Variants in CSMD1 observed in about 807,000 individuals in gnomAD.
The protein encoded by CSMD1 is CUB and Sushi multiple domains 1.
CSMD1 carries 213 observed loss-of-function variants against 417.5 expected under a neutral mutation model. The observed-to-expected ratio is 0.51, with a 90% CI of 0.46 to 0.57. The LOEUF (loss-of-function observed/expected upper bound fraction) is 0.57. Ranked by LOEUF, CSMD1 falls within the 20% of genes least tolerant of loss-of-function variation. CSMD1 has a pLI of 0.00. For synonymous variants in CSMD1, 2,862 were observed against 1,736.8 expected (o/e 1.65, Z -16.11); for missense variants, 6,923 against 4,529.7 (o/e 1.53, Z -15.17).
intron 51 of CSMD1, among the ~76,000 whole-genome samples, chr8:3,022,876 G>C (rs867253335): frequency 1.3e-5 from 2 of 152,146 alleles, no homozygotes; most frequent in Non-Finnish European, 2.9e-5. Flanking sequence ...TAGAGAGATA[G>C]AGCTACCATC....
intron 5 of CSMD1, among the ~76,000 whole-genome samples, chr8:3,780,243 G>T (rs1584986662): frequency 6.6e-6 from 1 of 152,296 alleles, no homozygotes; most frequent in East Asian, 1.9e-4. Context: ...AATCAGCATT[G>T]TCTGGTTCTT....
At chr8:3,819,179 C>T (rs1801571460) in intron 5 of CSMD1, among the ~76,000 whole-genome samples, 1 of 152,130 alleles carries the variant, frequency 6.6e-6, no homozygotes, top group Non-Finnish European at 1.5e-5. Flanking sequence ...AGTCTGCCCA[C>T]AGTGAAACTC....
At chr8:3,315,582 T>G (rs1420558000) in intron 23 of CSMD1, among the ~76,000 whole-genome samples, 1 of 152,128 alleles carries the variant, frequency 6.6e-6, no homozygotes, top group South Asian at 2.1e-4. Context: ...TTCCCATATA[T>G]TAAGTTTTTG....
At chr8:4,581,298 C>T (rs73186908) in intron 2 of CSMD1, among the ~76,000 whole-genome samples, 6,447 of 152,218 alleles carry the variant, frequency 0.042, 197 homozygotes, top group Non-Finnish European at 0.06. Flanking sequence ...AAGACACATG[C>T]AGAGGAAGTA....
chr8:3,060,397 C>T (rs1016353229), intron 49 of CSMD1, among the ~76,000 whole-genome samples: 2 of 151,370 alleles, frequency 1.3e-5, no homozygotes, highest in Non-Finnish European at 2.9e-5. Flanking sequence ...TCCTTGAACT[C>T]CTGAACTCCT....
At chr8:3,066,599 CAGACA>C (rs1812951475) in intron 49 of CSMD1, among the ~76,000 whole-genome samples, 1 of 152,180 alleles carries the variant, frequency 6.6e-6, no homozygotes, top group African/African-American at 2.4e-5. Flanking sequence ...CAAATACAGA[CAGACA>C]AGAGAGTAAT....
At chr8:4,593,151 G>C (rs886226120) in intron 2 of CSMD1, among the ~76,000 whole-genome samples, 1 of 152,162 alleles carries the variant, frequency 6.6e-6, no homozygotes, top group Non-Finnish European at 1.5e-5. Context: ...TGAGGTCTCA[G>C]CATTGAGAGG....
intron 7 of CSMD1, among the ~76,000 whole-genome samples, chr8:3,688,233 G>C (rs534798512): frequency 2.0e-4 from 31 of 152,322 alleles, no homozygotes; most frequent in Admixed American, 7.8e-4. Context: ...AAAGATGATA[G>C]TATAATTTTA....
chr8:4,167,875 C>T (rs776238147), intron 3 of CSMD1, among the ~76,000 whole-genome samples: 2 of 152,094 alleles, frequency 1.3e-5, no homozygotes, highest in Non-Finnish European at 2.9e-5. Flanking sequence ...GGCCTGTAAT[C>T]TCAGCACTTT....
intron 4 of CSMD1, among the ~76,000 whole-genome samples, chr8:4,009,309 T>C (rs528420413): frequency 5.2e-4 from 79 of 152,364 alleles, no homozygotes; most frequent in African/African-American, 1.7e-3. Flanking sequence ...TGTGCCCCTT[T>C]TGTGGGTATA....
chr8:3,273,920 T>C (rs1257960728), intron 26 of CSMD1, among the ~76,000 whole-genome samples: 3 of 152,178 alleles, frequency 2.0e-5, no homozygotes, highest in East Asian at 3.9e-4. Flanking sequence ...TTTGTGTCTC[T>C]ATTTCCTTCA....
intron 2 of CSMD1, among the ~76,000 whole-genome samples, chr8:4,584,905 C>A (rs1232362919): frequency 6.6e-6 from 1 of 152,058 alleles, no homozygotes; most frequent in Non-Finnish European, 1.5e-5. Flanking sequence ...GATTAAGCAG[C>A]TCAAATTTAG....
chr8:3,533,435 TATGAGTTTAACTCCTTTAGATTCCTC>T (rs1238357385), intron 10 of CSMD1, among the ~76,000 whole-genome samples: 2 of 152,200 alleles, frequency 1.3e-5, no homozygotes, highest in Admixed American at 6.5e-5. Flanking sequence ...TGTCAGCGTC[TATGAGTTTAACTCCTTTAGATTCCTC>T]ATGTAAGTGG....
At chr8:3,137,023 A>T (rs76528589) in intron 41 of CSMD1, among the ~76,000 whole-genome samples, 5,004 of 152,230 alleles carry the variant, frequency 0.033, 290 homozygotes, top group African/African-American at 0.11. Flanking sequence ...GTTTCAATAC[A>T]TATAATCTAA....
chr8:3,434,713 G>T (rs1238989636), intron 12 of CSMD1, among the ~76,000 whole-genome samples: 1 of 152,026 alleles, frequency 6.6e-6, no homozygotes, highest in Admixed American at 6.5e-5. Flanking sequence ...TCATTTTGCT[G>T]CTGAATAAAA....
intron 1 of CSMD1, among the ~76,000 whole-genome samples, chr8:4,741,209 G>C (rs538181563): frequency 9.8e-4 from 149 of 152,108 alleles, no homozygotes; most frequent in Non-Finnish European, 1.7e-3. Context: ...GAAGACCCTA[G>C]TGCCACACGT....
intron 3 of CSMD1, among the ~76,000 whole-genome samples, chr8:4,304,989 G>T (rs951110778): frequency 6.6e-6 from 1 of 152,142 alleles, no homozygotes; most frequent in Non-Finnish European, 1.5e-5. Flanking sequence ...TAATGCCAAT[G>T]CCTGTTCTTA....
chr8:4,011,650 A>C (rs1023790030), intron 4 of CSMD1, among the ~76,000 whole-genome samples: 2 of 152,188 alleles, frequency 1.3e-5, no homozygotes, highest in Admixed American at 6.5e-5. Context: ...AATTCTTTTC[A>C]TTCCTACACT....
chr8:4,251,829 G>T (rs974171484), intron 3 of CSMD1, among the ~76,000 whole-genome samples: 10 of 150,150 alleles, frequency 6.7e-5, no homozygotes, highest in African/African-American at 2.5e-4. Context: ...GAGGAGAGAT[G>T]GAAGAGGAGA....
Sources: gnomAD v4.1 joint callset for allele counts (sites outside exome capture counted in the v4.1 genomes callset) on GRCh38, gnomAD v4.1.1 for gene constraint, MANE v1.5 for transcripts, NCBI Gene and HGNC (gene_info 2026-07-23, HGNC 2026-07-21) for gene names.